The following BCL2L11 variants were observed in gnomAD, a reference collection of about 807,000 sequenced individuals.
BCL2L11 encodes bcl-2-like protein 11.
Under a neutral mutation model 20.6 loss-of-function variants are expected in BCL2L11, and 15 were observed. That is an observed-to-expected ratio of 0.73 (90% CI 0.49 to 1.12). BCL2L11 has a LOEUF of 1.12. Ranked by LOEUF, BCL2L11 falls within the 50% of genes most tolerant of loss-of-function variation. The pLI is 0.00. For missense variants in BCL2L11, 292 were observed against 260.9 expected, an observed-to-expected ratio of 1.12 and a Z score of -0.82; for synonymous variants, 108 against 92.8, an observed-to-expected ratio of 1.16 and a Z score of -0.94.
intron 2 of BCL2L11, among the ~76,000 whole-genome samples, chr2:111,147,334 TCTCTCTCTCTCTCACA>T (rs1434994887): frequency 2.5e-4 from 33 of 132,332 alleles, no homozygotes; most frequent in African/African-American, 9.3e-4. Context: ...TGTATCTCTC[TCTCTCTCTCTCTCACA>T]CACACACACA....
chr2:111,162,795 T>C (rs1273047362), intron 3 of BCL2L11: 1 of 152,226 alleles, frequency 6.6e-6, no homozygotes, highest in Non-Finnish European at 1.5e-5. Context: ...TAAGTTGTGG[T>C]TTTATTTTGA....
intron 2 of BCL2L11, among the ~76,000 whole-genome samples, chr2:111,140,294 G>A (rs746981445): frequency 9.8e-5 from 15 of 152,300 alleles, no homozygotes; most frequent in Non-Finnish European, 2.1e-4. Flanking sequence ...ATAAGAGTGT[G>A]TGTGTTAAAT....
At chr2:111,156,674 G>C (rs1211926130) in intron 3 of BCL2L11, among the ~76,000 whole-genome samples, 1 of 152,088 alleles carries the variant, frequency 6.6e-6, no homozygotes, top group Non-Finnish European at 1.5e-5. Context: ...GTGTGATCTC[G>C]TAGGAAAACA....
rs986816125 is a variant in BCL2L11 at position 111,166,334 on chromosome 2, G to A, written c.*2103G>A. The A allele has an allele frequency of 2.0e-5, 3 of 152,702 alleles. No homozygotes were observed. Among genetic ancestry groups the A allele is most frequent in the African/African-American group, 7.2e-5 (3 of 41,462 alleles). 9.5% of individuals were successfully genotyped at this position (152,702 alleles called of 1,614,324 possible). ...CTGCCCTGTGCTGCCCAGGGGCTGT[G>A]TGCACCACATGAGCACATTTCCCTC... On this transcript the variant is annotated 3_prime_UTR_variant, in exon 4 of 4. Transcript: ENST00000393256.
intron 3 of BCL2L11, among the ~76,000 whole-genome samples, chr2:111,153,042 T>G (rs2077427766): frequency 6.6e-6 from 1 of 152,154 alleles, no homozygotes; most frequent in Admixed American, 6.5e-5. Flanking sequence ...ATAACCCAAT[T>G]TTTCTAAAAC....
chr2:111,135,538 C>T (rs1243068545), intron 2 of BCL2L11, among the ~76,000 whole-genome samples: 1 of 151,746 alleles, frequency 6.6e-6, no homozygotes, highest in Non-Finnish European at 1.5e-5. Flanking sequence ...CTGACCCCAC[C>T]AGGGGTGGGG....
chr2:111,128,788 C>A, intron 2 of BCL2L11: 1 of 1,527,194 alleles, frequency 6.5e-7, no homozygotes. Flanking sequence ...TCTCCCTCTT[C>A]CTTGAGCATT....
At chr2:111,137,004 C>G (rs1352003716) in intron 2 of BCL2L11, among the ~76,000 whole-genome samples, 1 of 152,026 alleles carries the variant, frequency 6.6e-6, no homozygotes, top group Admixed American at 6.6e-5. Flanking sequence ...GTGTGACTCT[C>G]ATGGTGTGAC....
At chr2:111,159,467 G>A (rs957518322) in intron 3 of BCL2L11, among the ~76,000 whole-genome samples, 1 of 152,160 alleles carries the variant, frequency 6.6e-6, no homozygotes, top group African/African-American at 2.4e-5. Context: ...GGCCTGGAGT[G>A]CCCTAGGCAG....
chr2:111,140,445 A>G (rs2075627690), intron 2 of BCL2L11, among the ~76,000 whole-genome samples: 1 of 152,120 alleles, frequency 6.6e-6, no homozygotes, highest in East Asian at 1.9e-4. Context: ...TTTATAGAAG[A>G]CTTACGGAGT....
chr2:111,145,942 T>TTTAA, intron 2 of BCL2L11: 1 of 861,262 alleles, frequency 1.2e-6, no homozygotes, highest in Non-Finnish European at 1.3e-6. Flanking sequence ...TTTTTTTTTG[T>TTTAA]AACAAGTAAA....
intron 2 of BCL2L11, among the ~76,000 whole-genome samples, chr2:111,139,554 T>C (rs979236683): frequency 6.6e-6 from 1 of 152,240 alleles, no homozygotes; most frequent in Non-Finnish European, 1.5e-5. Context: ...TAAACTCCTT[T>C]AGTGAGAAGA....
In BCL2L11 at chr2:111,166,364, C is replaced by T. The variant is rs1201013996; in HGVS notation, c.*2133C>T. The stretch of plus-strand genomic sequence containing the variant: ...CCACATGAGCACATTTCCCTCTGGC[C>T]TGGCGGCCTCCAGGCTGGCTGTGGA... On this transcript the variant is annotated 3_prime_UTR_variant, in exon 4 of 4. Coordinates refer to ENST00000393256, the MANE Select transcript of BCL2L11 (RefSeq NM_138621.5). The T allele has an allele frequency of 6.5e-6, 1 of 152,704 alleles. No homozygotes were observed. Among genetic ancestry groups the T allele is most frequent in the East Asian group, 1.9e-4 (1 of 5,200 alleles). The allele number at this position is 152,704 out of a possible 1,614,324, so 9.5% of individuals were successfully genotyped here. A position where few individuals can be genotyped will look rare whatever the true frequency, so the allele number is the denominator to read the frequency against.
At chr2:111,128,616 T>C in intron 2 of BCL2L11, 1 of 1,479,112 alleles carries the variant, frequency 6.8e-7, no homozygotes, top group South Asian at 1.4e-5. Context: ...TTTTTTTTTT[T>C]TTTTTAACAG....
chr2:111,162,810 G>A (rs1178197383), intron 3 of BCL2L11: 5 of 152,186 alleles, frequency 3.3e-5, no homozygotes, highest in African/African-American at 1.2e-4. Context: ...TTTTGAATAA[G>A]TCTCTTTCAA....
chr2:111,159,201 C>T (rs1369610441), intron 3 of BCL2L11, among the ~76,000 whole-genome samples: 1 of 152,228 alleles, frequency 6.6e-6, no homozygotes, highest in African/African-American at 2.4e-5. Flanking sequence ...TGAAAGCCCT[C>T]GTTTAACTTC....
chr2:111,157,608 C>G (rs1476647746), intron 3 of BCL2L11, among the ~76,000 whole-genome samples: 2 of 152,140 alleles, frequency 1.3e-5, no homozygotes, highest in Non-Finnish European at 2.9e-5. Flanking sequence ...AGCACCAGGT[C>G]TGGAGTCTGA....
At chr2:111,128,621 T>TTTA in intron 2 of BCL2L11, 1 of 1,482,838 alleles carries the variant, frequency 6.7e-7, no homozygotes. Context: ...TTTTTTTTTT[T>TTTA]AACAGTAGTC....
chr2:111,148,880 T>C (rs1292923978), intron 2 of BCL2L11, among the ~76,000 whole-genome samples: 2 of 152,176 alleles, frequency 1.3e-5, no homozygotes, highest in Non-Finnish European at 2.9e-5. Flanking sequence ...TTTTAAGTGT[T>C]TTTATAGAGC....
Sources: allele counts gnomAD v4.1 joint callset (sites outside exome capture counted in the v4.1 genomes callset), GRCh38; gene constraint gnomAD v4.1.1; transcripts MANE v1.5; gene names NCBI Gene and HGNC (gene_info 2026-07-23, HGNC 2026-07-21).